The following AGBL4 variants were observed in gnomAD, a reference collection of about 807,000 sequenced individuals.
AGBL4 encodes AGBL carboxypeptidase 4, also known as cytosolic carboxypeptidase 6.
In AGBL4, 58 loss-of-function variants were observed where a neutral mutation model predicts 66.4. The ratio of observed to expected loss-of-function variants is 0.87; its 90% CI spans 0.71 to 1.09. AGBL4 has a LOEUF of 1.09. AGBL4 is among the 50% of genes least tolerant of loss of function. The probability of loss-of-function intolerance (pLI) is 0.00; values close to 1 mark genes in which losing one functional copy is unlikely to be tolerated. For missense variants in AGBL4, 579 were observed against 631.0 expected, an observed-to-expected ratio of 0.92 and a Z score of 0.88; for synonymous variants, 234 against 222.9, an observed-to-expected ratio of 1.05 and a Z score of -0.44.
chr1:49,132,457 C>G (rs1427016502), intron 4 of AGBL4, among the ~76,000 whole-genome samples: 1 of 152,078 alleles, frequency 6.6e-6, no homozygotes, highest in Non-Finnish European at 1.5e-5. Flanking sequence ...GTCATTAAAT[C>G]TCCTTTAGTG....
chr1:49,879,557 A>T (rs367953630), intron 1 of AGBL4, among the ~76,000 whole-genome samples: 2 of 147,346 alleles, frequency 1.4e-5, no homozygotes, highest in Admixed American at 1.4e-4. Context: ...CTTCCCTTTG[A>T]GGGTAACCCG....
intron 6 of AGBL4, among the ~76,000 whole-genome samples, chr1:48,664,215 G>A (rs975039967): frequency 3.3e-5 from 5 of 152,178 alleles, no homozygotes; most frequent in Admixed American, 1.3e-4. Flanking sequence ...AGAGGGGGAA[G>A]CACTGTAGAA....
intron 2 of AGBL4, among the ~76,000 whole-genome samples, chr1:49,849,431 T>TATTATG (rs1553133749): frequency 7.0e-6 from 1 of 143,780 alleles, no homozygotes; most frequent in Admixed American, 7.0e-5. Flanking sequence ...TTATTATTAT[T>TATTATG]ATGTATATTC....
intron 3 of AGBL4, among the ~76,000 whole-genome samples, chr1:49,576,278 C>T (rs886495967): frequency 1.3e-5 from 2 of 152,180 alleles, no homozygotes; most frequent in African/African-American, 2.4e-5. Flanking sequence ...GGGTCCAGAA[C>T]AGGAGAAGGC....
intron 6 of AGBL4, among the ~76,000 whole-genome samples, chr1:48,751,663 T>A (rs1651754302): frequency 1.3e-5 from 2 of 152,186 alleles, no homozygotes; most frequent in African/African-American, 2.4e-5. Flanking sequence ...AACATAAGCT[T>A]GTCACATGGC....
chr1:49,261,910 T>C (rs1193978910), intron 3 of AGBL4, among the ~76,000 whole-genome samples: 10 of 150,230 alleles, frequency 6.7e-5, no homozygotes, highest in African/African-American at 9.8e-5. Context: ...CTTCAAACTA[T>C]ACTACAAGGC....
intron 3 of AGBL4, among the ~76,000 whole-genome samples, chr1:49,369,868 A>G (rs1224466209): frequency 6.6e-6 from 1 of 151,880 alleles, no homozygotes; most frequent in Non-Finnish European, 1.5e-5. Flanking sequence ...ACTTTAGATA[A>G]AGCTCACGAA....
chr1:49,916,011 T>A (rs914236471), intron 1 of AGBL4, among the ~76,000 whole-genome samples: 1 of 152,086 alleles, frequency 6.6e-6, no homozygotes, highest in African/African-American at 2.4e-5. Flanking sequence ...CAACAGACCT[T>A]CAGCTGAGGG....
At position 49,987,175 on chromosome 1, in the gene AGBL4, C is replaced by T. The variant is rs1431445916; in HGVS notation, c.34+36588G>A. ...AATGCTTTGCAAGGCATTGTTTATA[C>T]TTAATGCCAAATCATTAGAGTAATT... is the stretch of plus-strand genomic sequence containing the variant. On this transcript the variant is annotated intron_variant, in intron 1 of 13. Transcript: ENST00000371839. Among the ~76,000 whole-genome samples, 4 of 152,080 alleles carry T rather than the reference C, an allele frequency of 2.6e-5. No homozygotes were observed. The East Asian group carries it at 5.8e-4, about 22-fold the overall frequency.
chr1:48,773,762 G>T (rs968299179), intron 6 of AGBL4, among the ~76,000 whole-genome samples: 4 of 152,186 alleles, frequency 2.6e-5, no homozygotes, highest in Non-Finnish European at 5.9e-5. Context: ...TATTAGCTGT[G>T]TGGCTGTAGG....
chr1:48,622,475 ATTTTTTTTTT>A (rs35455455), intron 9 of AGBL4, among the ~76,000 whole-genome samples: 3 of 71,858 alleles, frequency 4.2e-5, no homozygotes, highest in African/African-American at 1.6e-4. Context: ...ATTCAAATAC[ATTTTTTTTTT>A]TTTTTTTTTT....
intron 5 of AGBL4, among the ~76,000 whole-genome samples, chr1:48,919,562 C>G (rs1030710174): frequency 1.3e-5 from 2 of 152,108 alleles, no homozygotes; most frequent in Non-Finnish European, 2.9e-5. Context: ...ATGCACAGGT[C>G]AAAGAAAGAA....
intron 5 of AGBL4, among the ~76,000 whole-genome samples, chr1:48,992,749 C>T (rs528023563): frequency 6.6e-6 from 1 of 152,222 alleles, no homozygotes; most frequent in African/African-American, 2.4e-5. Context: ...AGGCCTCTCT[C>T]CCTGTGGCTA....
intron 3 of AGBL4, among the ~76,000 whole-genome samples, chr1:49,617,846 T>A (rs1163699267): frequency 6.6e-6 from 1 of 152,162 alleles, no homozygotes. Context: ...TCGGTTTTGT[T>A]TTGTTTTGTT....
chr1:49,478,757 C>G (rs1346840018), intron 3 of AGBL4, among the ~76,000 whole-genome samples: 1 of 151,768 alleles, frequency 6.6e-6, no homozygotes, highest in Non-Finnish European at 1.5e-5. Context: ...GAGTATGAAC[C>G]AATCAAAAAT....
At chr1:49,250,546 C>T (rs770922181) in intron 3 of AGBL4, among the ~76,000 whole-genome samples, 8 of 149,752 alleles carry the variant, frequency 5.3e-5, no homozygotes, top group South Asian at 2.1e-4. Flanking sequence ...TGGGTTCAAG[C>T]GATTCTCCTG....
chr1:49,475,776 T>G, intron 3 of AGBL4, among the ~76,000 whole-genome samples: 1 of 152,032 alleles, frequency 6.6e-6, no homozygotes, highest in East Asian at 1.9e-4. Flanking sequence ...GTCGTGATGT[T>G]ACCTCTGTCA....
At chr1:48,829,794 T>G (rs1223769633) in intron 6 of AGBL4, among the ~76,000 whole-genome samples, 2 of 152,224 alleles carry the variant, frequency 1.3e-5, no homozygotes, top group Non-Finnish European at 2.9e-5. Flanking sequence ...GACAGCAAAT[T>G]GCTCCTAATT....
At chr1:50,014,271 TGA>T (rs1661769570) in intron 1 of AGBL4, among the ~76,000 whole-genome samples, 1 of 151,370 alleles carries the variant, frequency 6.6e-6, no homozygotes. Flanking sequence ...CTTGGGAGGC[TGA>T]GGTAGGAGAA....
Sources: gnomAD v4.1 joint callset for allele counts (sites outside exome capture counted in the v4.1 genomes callset) on GRCh38, gnomAD v4.1.1 for gene constraint, MANE v1.5 for transcripts, NCBI Gene and HGNC (gene_info 2026-07-23, HGNC 2026-07-21) for gene names.